CNST: variants seen among roughly 807,000 people sequenced by gnomAD.
CNST encodes the protein consortin.
Under a neutral mutation model 72.4 loss-of-function variants are expected in CNST, and 39 were observed. That is an observed-to-expected ratio of 0.54 (90% confidence interval 0.42 to 0.70). CNST has a LOEUF of 0.70. Among genes scored for constraint, CNST ranks in the 30% least tolerant of loss-of-function variants. The pLI, the probability that CNST is intolerant of heterozygous loss-of-function variation, is 0.00. For missense variants in CNST, 871 were observed against 868.5 expected (o/e 1.00, Z -0.04); for synonymous variants, 332 against 320.1 (o/e 1.04, Z -0.40).
At chr1:246,587,090 A>G (rs1159901291) in intron 1 of CNST, among the ~76,000 whole-genome samples, 1 of 152,232 alleles carries the variant, frequency 6.6e-6, no homozygotes, top group Non-Finnish European at 1.5e-5. Context: ...GGATTAAATT[A>G]TATATATGTA....
rs375095492 is a variant in CNST, at chr1:246,647,765, C to T, written c.1564C>T (p.Leu522=). The part of the protein sequence containing the change: ...GNNQISDLGI[L]LPEVCMAPEE... ...TAATCAAATATCTGACTTAGGCATA[C>T]TGCTTCCAGAGGTGTGTATGGCCCC... The change falls in exon 9 of 11, where the codon CTG becomes TTG. Residue 522 remains leucine, a synonymous_variant. Transcript: ENST00000366513. 8 of 1,614,066 alleles carry T rather than the reference C, an allele frequency of 5.0e-6. No individual in the cohort carries two copies. Among genetic ancestry groups the T allele is most frequent in the East Asian group, 2.2e-5 (1 of 44,896 alleles).
In CNST at chr1:246,604,774, T is replaced by C. The variant is rs1023963330; in HGVS notation, c.379+12833T>C. Among the ~76,000 whole-genome samples the C allele has an allele frequency of 1.5e-4, 23 of 152,320 alleles. 1 individual carries two copies. Among genetic ancestry groups the C allele is most frequent in the Admixed American group, 1.4e-3 (22 of 15,308 alleles). ...ACCTCTGCCTTCTGGGTTCAAGCGATTCTCTTGCCTCAGCCTCCCAAGTAG... is the reference window on the plus strand; with the variant it reads ...ACCTCTGCCTTCTGGGTTCAAGCGACTCTCTTGCCTCAGCCTCCCAAGTAG... On this transcript the variant is annotated intron_variant, in intron 2 of 10. Transcript: ENST00000366513.
At chr1:246,642,079 C>A in intron 8 of CNST, 42 bp downstream of exon 8, 1 of 1,048,826 alleles carries the variant, frequency 9.5e-7, no homozygotes, top group Non-Finnish European at 1.4e-6. Context: ...TAAAAGATAC[C>A]TGCCTCTTCT....
intron 1 of CNST, among the ~76,000 whole-genome samples, chr1:246,572,317 T>G (rs1660115198): frequency 6.6e-6 from 1 of 152,234 alleles, no homozygotes; most frequent in Admixed American, 6.5e-5. Context: ...TTTGGGAACT[T>G]TATAAGATCA....
intron 8 of CNST, 99 bp downstream of exon 8, chr1:246,642,136 T>TG: frequency 4.7e-6 from 2 of 422,102 alleles, no homozygotes; most frequent in Non-Finnish European, 7.9e-6. Flanking sequence ...GGATCTGGTT[T>TG]TTTTTTTTTT....
At chr1:246,576,852 C>T (rs1204466417) in intron 1 of CNST, among the ~76,000 whole-genome samples, 2 of 151,892 alleles carry the variant, frequency 1.3e-5, no homozygotes, top group Admixed American at 1.3e-4. Context: ...CTACCACCCC[C>T]TACCCTCCAC....
At chr1:246,617,586 A>C (rs1663791039) in intron 2 of CNST, among the ~76,000 whole-genome samples, 1 of 152,240 alleles carries the variant, frequency 6.6e-6, no homozygotes, top group African/African-American at 2.4e-5. Flanking sequence ...CATGTTACAG[A>C]GGAAAAAATA....
intron 2 of CNST, among the ~76,000 whole-genome samples, chr1:246,608,306 C>T (rs1663056342): frequency 1.3e-5 from 2 of 152,220 alleles, no homozygotes; most frequent in African/African-American, 4.8e-5. Flanking sequence ...TGCCACTGTA[C>T]TGTAGCCTGG....
chr1:246,655,607 C>T (rs1444364243), intron 9 of CNST, among the ~76,000 whole-genome samples: 1 of 152,078 alleles, frequency 6.6e-6, no homozygotes, highest in East Asian at 1.9e-4. Context: ...TTGCTAGAGT[C>T]TTATTTGAAA....
Position 246,591,769 on chromosome 1 carries a change from C to G in CNST, c.207C>G (p.Leu69=). Residue 69 remains leucine (L), a synonymous_variant, in exon 2 of 11, where the codon CTC becomes CTG. Transcript: ENST00000366513. ...CCCAAGTGTCTGAGCAGGACAGTCT[C>G]AATAATAATGAAAGCTGCACATTGA... ...GKPQVSEQDS[L]NNNESCTLSC... 6.2e-7 allele frequency: 1 copy of G among 1,614,024 alleles called. No individual in the cohort carries two copies. Among genetic ancestry groups the G allele is most frequent in the Non-Finnish European group, 8.5e-7 (1 of 1,179,990 alleles).
chr1:246,581,983 G>GT (rs1241025279), intron 1 of CNST, among the ~76,000 whole-genome samples: 4 of 152,054 alleles, frequency 2.6e-5, no homozygotes, highest in South Asian at 2.1e-4. Context: ...TTTAACTGGG[G>GT]TTTTTTTAAA....
chr1:246,657,687 A>C (rs1666845116), intron 9 of CNST, among the ~76,000 whole-genome samples: 2 of 152,152 alleles, frequency 1.3e-5, no homozygotes, highest in Non-Finnish European at 2.9e-5. Context: ...TTCCACAGCC[A>C]AACACCACCC....
chr1:246,662,007 CA>C (rs1348275401), intron 10 of CNST, among the ~76,000 whole-genome samples: 3 of 152,220 alleles, frequency 2.0e-5, no homozygotes, highest in African/African-American at 4.8e-5. Flanking sequence ...TCACAGTCTG[CA>C]TTTCACTTTG....
chr1:246,616,087 C>T (rs141379014), intron 2 of CNST, among the ~76,000 whole-genome samples: 174 of 152,178 alleles, frequency 1.1e-3, no homozygotes, highest in African/African-American at 3.9e-3. Flanking sequence ...CGGATGACAA[C>T]GATAAATAGA....
chr1:246,634,777 T>C (rs1038611746), intron 6 of CNST, among the ~76,000 whole-genome samples, 190 bp downstream of exon 6: 19 of 152,236 alleles, frequency 1.2e-4, no homozygotes, highest in Admixed American at 9.2e-4. Context: ...CAAGGCGGTG[T>C]GGAGCATCAC....
intron 2 of CNST, among the ~76,000 whole-genome samples, chr1:246,594,032 A>G (rs898418006): frequency 4.6e-5 from 7 of 152,082 alleles, no homozygotes; most frequent in Non-Finnish European, 7.4e-5. Context: ...AGGCCTCCCA[A>G]AGTGTTGGGA....
At chr1:246,665,609 A>C in intron 10 of CNST, 91 bp from the exon 11 acceptor site, 1 of 1,043,450 alleles carries the variant, frequency 9.6e-7, no homozygotes. Context: ...AACAGTAGAA[A>C]TGTGTAGTTA....
rs114131922 is a variant in CNST, at chr1:246,653,041, A to G, written c.1836+5004A>G. 9.5e-3 allele frequency among the ~76,000 whole-genome samples: 1,448 copies of G among 151,892 alleles called. 11 individuals carry two copies. The highest frequency in any genetic ancestry group is 0.034 in the Middle Eastern group (10 of 290). ...AAAGAAAGCTTTTAATCTAGGAGAG[A>G]GCAACTCATGTTCCTTGCCCTCTGT... is the stretch of plus-strand genomic sequence containing the variant. On this transcript the variant is annotated intron_variant, in intron 9 of 10. Coordinates refer to ENST00000366513, the MANE Select transcript of CNST (RefSeq NM_152609.3).
chr1:246,643,246 C>T (rs192131975), intron 8 of CNST, among the ~76,000 whole-genome samples: 1 of 152,134 alleles, frequency 6.6e-6, no homozygotes, highest in Non-Finnish European at 1.5e-5. Flanking sequence ...TACTTTATCT[C>T]CTTTTCACTT....
Sources: allele counts gnomAD v4.1 joint callset (sites outside exome capture counted in the v4.1 genomes callset), GRCh38; gene constraint gnomAD v4.1.1; transcripts MANE v1.5; gene names NCBI Gene and HGNC (gene_info 2026-07-23, HGNC 2026-07-21).